The following DENND1A variants were observed in gnomAD, a reference collection of about 807,000 sequenced individuals.
DENND1A encodes DENN domain containing 1A, also known as DENN domain-containing protein 1A.
Under a neutral mutation model 113.7 loss-of-function variants are expected in DENND1A, and 51 were observed. The ratio of observed to expected loss-of-function variants is 0.45; its 90% confidence interval spans 0.36 to 0.57. The LOEUF is 0.57. Ranked by LOEUF, DENND1A falls within the 20% of genes least tolerant of loss-of-function variation. The pLI is 0.00. For missense variants in DENND1A, 1,258 were observed against 1,395.9 expected (o/e 0.90, Z 1.57); for synonymous variants, 565 against 570.8 (o/e 0.99, Z 0.14).
intron 10 of DENND1A, among the ~76,000 whole-genome samples, chr9:123,617,062 G>A (rs937545237): frequency 6.6e-6 from 1 of 152,230 alleles, no homozygotes; most frequent in African/African-American, 2.4e-5. Context: ...ATGGCTCAAA[G>A]AGGTTAAGTG....
At chr9:123,798,725 C>CAAAAAAAAAAA (rs59256751) in intron 2 of DENND1A, among the ~76,000 whole-genome samples, 2 of 70,046 alleles carry the variant, frequency 2.9e-5, no homozygotes, top group Admixed American at 1.8e-4. Flanking sequence ...GTGCTGGAGG[C>CAAAAAAAAAAA]AAAAAAAAAA....
intron 5 of DENND1A, among the ~76,000 whole-genome samples, chr9:123,740,899 T>TGAGAGAGTGAGAGAGAGAGAGAGAGAGA (rs2068953709): frequency 2.6e-4 from 28 of 108,938 alleles, no homozygotes; most frequent in African/African-American, 1.0e-3. Flanking sequence ...GAAGGGAAAG[T>TGAGAGAGTGAGAGAGAGAGAGAGAGAGA]GAGAGAGAGA....
rs111815241 is a variant in DENND1A at position 123,566,749 on chromosome 9, A to G, written c.868-9054T>C. On this transcript the variant is annotated intron_variant, in intron 12 of 23. Coordinates refer to ENST00000394215, the MANE Select transcript of DENND1A (RefSeq NM_001352964.2). The stretch of plus-strand genomic sequence containing the variant: ...TACACTCCAGCCCTCTCCCCATGAG[A>G]TTAATCTGAGTATCTCACCATTTGA... 4.2e-3 allele frequency among the ~76,000 whole-genome samples: 638 copies of G among 152,280 alleles called. 3 individuals carry two copies. The highest frequency in any genetic ancestry group is 0.014 in the African/African-American group (601 of 41,572).
intron 10 of DENND1A, among the ~76,000 whole-genome samples, chr9:123,613,468 A>G (rs1370627647): frequency 2.6e-5 from 4 of 152,208 alleles, no homozygotes; most frequent in Non-Finnish European, 5.9e-5. Flanking sequence ...TCCATCTACT[A>G]GAAGTGATCT....
chr9:123,413,021 C>A (rs1381019933), intron 19 of DENND1A, among the ~76,000 whole-genome samples: 1 of 152,116 alleles, frequency 6.6e-6, no homozygotes, highest in Admixed American at 6.5e-5. Flanking sequence ...CCCATCTATA[C>A]AAAAATACAA....
intron 21 of DENND1A, among the ~76,000 whole-genome samples, chr9:123,395,781 G>A (rs2043096495): frequency 6.6e-6 from 1 of 152,114 alleles, no homozygotes; most frequent in Non-Finnish European, 1.5e-5. Flanking sequence ...CACAGTAGGT[G>A]CTCTTTACCT....
chr9:123,855,040 C>T (rs890732551), intron 2 of DENND1A, among the ~76,000 whole-genome samples: 4 of 151,290 alleles, frequency 2.6e-5, no homozygotes, highest in Non-Finnish European at 5.9e-5. Context: ...CTCTAAAAAA[C>T]ACAATTATAA....
intron 18 of DENND1A, among the ~76,000 whole-genome samples, chr9:123,446,216 G>A (rs999408798): frequency 1.3e-5 from 2 of 152,158 alleles, no homozygotes; most frequent in Non-Finnish European, 2.9e-5. Flanking sequence ...TTACAGACTC[G>A]TGCCGCACCC....
At chr9:123,798,725 CAAAAAAAAA>C (rs59256751) in intron 2 of DENND1A, among the ~76,000 whole-genome samples, 4 of 70,042 alleles carry the variant, frequency 5.7e-5, no homozygotes, top group African/African-American at 1.7e-4. Context: ...GTGCTGGAGG[CAAAAAAAAA>C]AAAAAAAAAA....
At chr9:123,744,734 C>T (rs1166040505) in intron 5 of DENND1A, among the ~76,000 whole-genome samples, 2 of 151,220 alleles carry the variant, frequency 1.3e-5, no homozygotes, top group African/African-American at 2.4e-5. Flanking sequence ...GAGATGTCCA[C>T]GACCACCTTA....
At chr9:123,635,087 A>AT (rs5900582) in intron 9 of DENND1A, among the ~76,000 whole-genome samples, 15 of 150,878 alleles carry the variant, frequency 9.9e-5, no homozygotes, top group East Asian at 7.8e-4. Context: ...ACAAGGACAC[A>AT]TTTTTTTTTT....
At chr9:123,623,424 C>T (rs2061047686) in intron 10 of DENND1A, among the ~76,000 whole-genome samples, 1 of 152,132 alleles carries the variant, frequency 6.6e-6, no homozygotes, top group African/African-American at 2.4e-5. Flanking sequence ...TTGCAGATCA[C>T]AGAGTTAAAA....
chr9:123,829,174 C>A (rs1274832319), intron 2 of DENND1A, among the ~76,000 whole-genome samples: 1 of 152,030 alleles, frequency 6.6e-6, no homozygotes, highest in Non-Finnish European at 1.5e-5. Context: ...AATGTAAGAT[C>A]CTATAGGAAG....
chr9:123,879,730 T>A (rs566855246), intron 1 of DENND1A, among the ~76,000 whole-genome samples: 7 of 152,278 alleles, frequency 4.6e-5, no homozygotes, highest in African/African-American at 1.4e-4. Context: ...ATTAGCCCTC[T>A]CCTCAGTATA....
At chr9:123,418,485 C>T (rs546970423) in intron 19 of DENND1A, among the ~76,000 whole-genome samples, 21 of 152,326 alleles carry the variant, frequency 1.4e-4, no homozygotes, top group Admixed American at 4.6e-4. Flanking sequence ...GAGGGGAAGG[C>T]GCGTTGGAAT....
chr9:123,735,911 A>C (rs1366989343), intron 5 of DENND1A, among the ~76,000 whole-genome samples: 1 of 152,130 alleles, frequency 6.6e-6, no homozygotes, highest in East Asian at 1.9e-4. Flanking sequence ...TGGTGGGAGA[A>C]TTGCTTGAAC....
chr9:123,845,670 C>CGAAAAAAAAAAAAAAA (rs1842494484), intron 2 of DENND1A, among the ~76,000 whole-genome samples: 1 of 44,094 alleles, frequency 2.3e-5, no homozygotes, highest in African/African-American at 7.7e-5. Flanking sequence ...AACCTGTCTC[C>CGAAAAAAAAAAAAAAA]AAAAAAAAAA....
At chr9:123,603,694 A>C (rs1210309059) in intron 11 of DENND1A, among the ~76,000 whole-genome samples, 1 of 152,208 alleles carries the variant, frequency 6.6e-6, no homozygotes, top group Non-Finnish European at 1.5e-5. Context: ...TAGTACATAA[A>C]ATACATTCAT....
At chr9:123,590,514 C>T (rs547843017) in intron 11 of DENND1A, among the ~76,000 whole-genome samples, 5 of 152,208 alleles carry the variant, frequency 3.3e-5, no homozygotes, top group South Asian at 4.1e-4. Context: ...GGATGATAAC[C>T]GTACCTACCT....
Sources: allele counts gnomAD v4.1 joint callset (sites outside exome capture counted in the v4.1 genomes callset), GRCh38; gene constraint gnomAD v4.1.1; transcripts MANE v1.5; gene names NCBI Gene and HGNC (gene_info 2026-07-23, HGNC 2026-07-21).